The following PLCD1 variants were observed in gnomAD, a reference collection of about 807,000 sequenced individuals.
PLCD1 encodes the protein phospholipase C delta 1, also known as 1-phosphatidylinositol 4,5-bisphosphate phosphodiesterase delta-1.
A neutral mutation model predicts 87.4 loss-of-function variants in PLCD1; 71 were observed. The observed-to-expected ratio is 0.81, with a 90% CI of 0.67 to 0.99. The LOEUF is 0.99. Ranked by LOEUF, PLCD1 falls within the 50% of genes least tolerant of loss-of-function variation. The probability of loss-of-function intolerance (pLI) is 0.00; values close to 1 mark genes in which losing one functional copy is unlikely to be tolerated. For synonymous variants in PLCD1, 348 were observed against 399.2 expected, an observed-to-expected ratio of 0.87 and a Z score of 1.53; for missense variants, 867 against 1,001.5, an observed-to-expected ratio of 0.87 and a Z score of 1.81.
At chr3:38,015,313 G>A (rs1039524920) in intron 3 of PLCD1, among the ~76,000 whole-genome samples, 7 of 152,282 alleles carry the variant, frequency 4.6e-5, no homozygotes, top group East Asian at 1.9e-4. Context: ...CAAACATCAC[G>A]CTAAATGAAA....
chr3:38,015,664 C>G (rs1559374819), intron 3 of PLCD1, among the ~76,000 whole-genome samples: 1 of 152,152 alleles, frequency 6.6e-6, no homozygotes, highest in East Asian at 1.9e-4. Flanking sequence ...ATGCCAGAAG[C>G]CCGACCACTT....
At chr3:38,029,058 G>T (rs1700335855) in intron 1 of PLCD1, among the ~76,000 whole-genome samples, 1 of 152,262 alleles carries the variant, frequency 6.6e-6, no homozygotes, top group African/African-American at 2.4e-5. Flanking sequence ...CGCCACACCC[G>T]CGCGGCCTGA....
intron 3 of PLCD1, among the ~76,000 whole-genome samples, chr3:38,015,814 C>T (rs1700146306): frequency 6.6e-6 from 1 of 152,182 alleles, no homozygotes; most frequent in South Asian, 2.1e-4. Flanking sequence ...CATGGCCTCC[C>T]AACTCCCAGA....
At chr3:38,027,737 T>C (rs867219834) in intron 1 of PLCD1, among the ~76,000 whole-genome samples, 6 of 152,214 alleles carry the variant, frequency 3.9e-5, no homozygotes, top group African/African-American at 1.4e-4. Flanking sequence ...CCAATGCAAG[T>C]GTAGACAACC....
rs775730787 is a variant in PLCD1, at chr3:38,007,751, G to C, written c.*22C>G. 1.8e-5 allele frequency: 29 copies of C among 1,587,234 alleles called. No individual in the cohort carries two copies. Among genetic ancestry groups the C allele is most frequent in the Non-Finnish European group, 2.2e-5 (26 of 1,155,788 alleles). ...CAGAGGGCCCAGCCCACTCAGGGGG[G>C]ACCCCACTGGCTTCCTCCAGCCTAG... On this transcript the variant is annotated 3_prime_UTR_variant, in exon 15 of 15. Coordinates refer to ENST00000334661, the MANE Select transcript of PLCD1 (RefSeq NM_006225.4).
At chr3:38,016,773 C>A (rs1700162843) in intron 2 of PLCD1, 54 bp from the exon 3 acceptor site, 12 of 1,278,756 alleles carry the variant, frequency 9.4e-6, no homozygotes, top group Non-Finnish European at 1.3e-5. Flanking sequence ...GAGGTCAGTC[C>A]CTGACCCTGA....
chr3:38,008,611 C>G lies in PLCD1; in HGVS notation c.1749G>C (p.Gly583=). The G allele has an allele frequency of 1.9e-6, 3 of 1,614,146 alleles. No homozygotes were observed. The South Asian group carries it at 3.3e-5, about 18-fold the overall frequency. The change falls in exon 12 of 15, where the codon GGG becomes GGC. Residue 583 remains glycine (G), a synonymous_variant. Coordinates refer to ENST00000334661, the MANE Select transcript of PLCD1 (RefSeq NM_006225.4). Reference sequence around the variant, plus strand: ...GGCCCTGGTACACGTCCATCTCTGGCCCAGGTGTCTGGAAATTCAGGGCCA... The same window carrying G: ...GGCCCTGGTACACGTCCATCTCTGGGCCAGGTGTCTGGAAATTCAGGGCCA... The part of the protein sequence containing the change: ...QIVALNFQTP[G]PEMDVYQGRF...
At chr3:38,013,212 T>TC (rs1700108690) in intron 3 of PLCD1, among the ~76,000 whole-genome samples, 1 of 148,776 alleles carries the variant, frequency 6.7e-6, no homozygotes. Context: ...AATTTTCTTT[T>TC]TTTTTTTTTT....
intron 1 of PLCD1, among the ~76,000 whole-genome samples, chr3:38,027,262 A>G (rs1007924765): frequency 1.3e-5 from 2 of 152,128 alleles, no homozygotes; most frequent in African/African-American, 2.4e-5. Context: ...TCTCCCAAAG[A>G]ACTACAGATG....
chr3:38,029,546 C>CGGGCGGCGCGGCGGGAG lies in PLCD1; in HGVS notation c.-24_-8dup, dbSNP rs1700342437. ...AGTCCCGGCCCGAGTCCATGCCCGA[C>CGGGCGGCGCGGCGGGAG]GGGCGGCGCGGCGGGAGGGGCACCG... is the stretch of plus-strand genomic sequence containing the variant. On this transcript the variant is annotated 5_prime_UTR_variant, in exon 1 of 15. Transcript: ENST00000334661. 6.5e-7 allele frequency: 1 copy of CGGGCGGCGCGGCGGGAG among 1,537,044 alleles called. No individual in the cohort carries two copies. Among genetic ancestry groups the CGGGCGGCGCGGCGGGAG allele is most frequent in the Non-Finnish European group, 8.7e-7 (1 of 1,146,192 alleles).
At position 38,007,768 on chromosome 3, in the gene PLCD1, C is replaced by A; in HGVS notation, c.*5G>T. 1 of 1,612,470 alleles carries A rather than the reference C, an allele frequency of 6.2e-7. No homozygotes were observed. Among genetic ancestry groups the A allele is most frequent in the Non-Finnish European group, 8.5e-7 (1 of 1,178,606 alleles). On this transcript the variant is annotated 3_prime_UTR_variant, in exon 15 of 15. Transcript: ENST00000334661. ...TCAGGGGGGACCCCACTGGCTTCCT[C>A]CAGCCTAGTCCTGGAGGGAGATCTT... is the stretch of plus-strand genomic sequence containing the variant.
chr3:38,023,231 TAC>T lies in PLCD1; in HGVS notation c.35-2881_35-2880del, dbSNP rs532752940. On this transcript the variant is annotated intron_variant, in intron 1 of 14. Transcript: ENST00000334661. ...AGCTACACAGATATGGCCACACAAA[TAC>T]ACAGTCACACACTAGACCACCACTC... Among the ~76,000 whole-genome samples, 349 of 152,050 alleles carry T rather than the reference TAC, an allele frequency of 2.3e-3. 1 individual carries two copies. Among genetic ancestry groups the T allele is most frequent in the African/African-American group, 8.0e-3 (331 of 41,450 alleles).
chr3:38,029,529 C>T lies in PLCD1; in HGVS notation c.11G>A (p.Gly4Asp). 6.5e-7 allele frequency: 1 copy of T among 1,538,832 alleles called. No individual in the cohort carries two copies. Among genetic ancestry groups the T allele is most frequent in the Non-Finnish European group, 8.7e-7 (1 of 1,146,534 alleles). Residue 4 changes from glycine to aspartate, a missense_variant, in exon 1 of 15, where the codon GGC (glycine) becomes GAC (aspartate). By Grantham distance (94) the Gly-to-Asp change is moderately conservative (BLOSUM62 -1). Coordinates refer to ENST00000334661, the MANE Select transcript of PLCD1 (RefSeq NM_006225.4). MDSGRDFLTLHGLQ... is the reference protein window; with the variant it reads MDSDRDFLTLHGLQ... ...ACCGTGCAGGGTCAGGAAGTCCCGG[C>T]CCGAGTCCATGCCCGACGGGCGGCG...
chr3:38,024,261 G>C, intron 1 of PLCD1: 1 of 1,345,056 alleles, frequency 7.4e-7, no homozygotes, highest in Non-Finnish European at 1.0e-6. Flanking sequence ...CCCGCGTTAA[G>C]GGACAAGTGG....
At position 38,007,919 on chromosome 3, in the gene PLCD1, G is replaced by T. The variant is rs139682605; in HGVS notation, c.2186-61C>A. On this transcript the variant is annotated intron_variant, in intron 14 of 14. Transcript: ENST00000334661. Reference sequence around the variant, plus strand: ...AGTTCTGGTCATTCGGCGGCGGAGGGGGGGTGGATGCGTCAAGGGACAGCC... The same window carrying T: ...AGTTCTGGTCATTCGGCGGCGGAGGTGGGGTGGATGCGTCAAGGGACAGCC... 904 of 1,604,490 alleles carry T rather than the reference G, an allele frequency of 5.6e-4. 6 individuals are homozygous for T. In the African/African-American group the frequency reaches 8.5e-3, roughly 15 times the overall value.
At chr3:38,023,834 A>C (rs1269098107) in intron 1 of PLCD1, among the ~76,000 whole-genome samples, 1 of 151,012 alleles carries the variant, frequency 6.6e-6, no homozygotes, top group African/African-American at 2.4e-5. Flanking sequence ...ACTTTGTTTC[A>C]CAACATTACA....
chr3:38,015,762 G>A (rs189480253), intron 3 of PLCD1, among the ~76,000 whole-genome samples: 1 of 152,284 alleles, frequency 6.6e-6, no homozygotes, highest in Admixed American at 6.5e-5. Flanking sequence ...ACCAGGCCCA[G>A]GGGAACTTGA....
chr3:38,009,367 A>C lies in PLCD1; in HGVS notation c.1511T>G (p.Phe504Cys). 1 of 1,614,106 alleles carries C rather than the reference A, an allele frequency of 6.2e-7. No homozygotes were observed. Among genetic ancestry groups the C allele is most frequent in the Non-Finnish European group, 8.5e-7 (1 of 1,179,954 alleles). Reference sequence around the variant, plus strand: ...GGTGCCAGGACTGGAGAAGCCCCCAAAGTGGACACTCTTGCAGTAAATGAC... The same window carrying C: ...GGTGCCAGGACTGGAGAAGCCCCCACAGTGGACACTCTTGCAGTAAATGAC... ...DMVIYCKSVH[F>C]GGFSSPGTPG... Residue 504 changes from phenylalanine (F) to cysteine (C), a missense_variant, in exon 10 of 15, where the codon TTT (phenylalanine) becomes TGT (cysteine). By Grantham distance (205) the Phe-to-Cys change is radical. Coordinates refer to ENST00000334661, the MANE Select transcript of PLCD1 (RefSeq NM_006225.4).
At chr3:38,023,951 C>A (rs1476469507) in intron 1 of PLCD1, among the ~76,000 whole-genome samples, 1 of 148,910 alleles carries the variant, frequency 6.7e-6, no homozygotes, top group Admixed American at 6.8e-5. Context: ...CACTGTCACA[C>A]CCATCACATA....
Sources: allele counts gnomAD v4.1 joint callset (sites outside exome capture counted in the v4.1 genomes callset), GRCh38; gene constraint gnomAD v4.1.1; transcripts MANE v1.5; gene names NCBI Gene and HGNC (gene_info 2026-07-23, HGNC 2026-07-21).